The following LYRM4 variants were observed in gnomAD, a reference collection of about 807,000 sequenced individuals.
The protein encoded by LYRM4 is LYR motif-containing protein 4.
In LYRM4, 9 loss-of-function variants were observed where a neutral mutation model predicts 11.7. The ratio of observed to expected loss-of-function variants is 0.77; its 90% CI spans 0.46 to 1.34. LYRM4 has a LOEUF of 1.34. Among genes scored for constraint, LYRM4 ranks in the 40% most tolerant of loss-of-function variants. The pLI is 0.00. For missense variants in LYRM4, 133 were observed against 112.5 expected (o/e 1.18, Z -0.82); for synonymous variants, 42 against 40.4 (o/e 1.04, Z -0.15).
At chr6:5,230,456 C>T (rs918146383) in intron 1 of LYRM4, among the ~76,000 whole-genome samples, 20 of 152,128 alleles carry the variant, frequency 1.3e-4, no homozygotes, top group African/African-American at 4.8e-4. Flanking sequence ...TGAGCTTGAT[C>T]TCATACCAGA....
chr6:5,180,543 A>G (rs1760008421), intron 2 of LYRM4, among the ~76,000 whole-genome samples: 1 of 152,112 alleles, frequency 6.6e-6, no homozygotes, highest in African/African-American at 2.4e-5. Context: ...AACATATTTG[A>G]GCCCTAGACT....
At chr6:5,073,681 T>C in the LYRM4 span, among the ~76,000 whole-genome samples, 3 of 151,622 alleles carry the variant, frequency 2.0e-5, no homozygotes, top group South Asian at 6.2e-4. Context: ...CTTTCCATGA[T>C]CACCATAAAA....
the LYRM4 span, among the ~76,000 whole-genome samples, chr6:5,075,592 A>G: frequency 6.6e-6 from 1 of 152,228 alleles, no homozygotes; most frequent in African/African-American, 2.4e-5. Flanking sequence ...GGACAAGAAG[A>G]CATTATAATG....
At chr6:5,038,887 AGAGAGGGAGAGGGAGAGG>A in the LYRM4 span, among the ~76,000 whole-genome samples, 4 of 85,084 alleles carry the variant, frequency 4.7e-5, 1 homozygote, top group Non-Finnish European at 6.8e-5. Flanking sequence ...GTGGAGGGAG[AGAGAGGGAGAGGGAGAGG>A]GAGAGGGAGA....
At chr6:5,119,794 C>CAAAAAAAAAAAA (rs968606439) in intron 2 of LYRM4, among the ~76,000 whole-genome samples, 4 of 16,874 alleles carry the variant, frequency 2.4e-4, no homozygotes, top group African/African-American at 5.0e-4. Flanking sequence ...GTCTCCATAA[C>CAAAAAAAAAAAA]AAAAAAAAAA....
rs111507483 is a variant in LYRM4, at chr6:5,245,294, T to C, written c.86+15354A>G. On this transcript the variant is annotated intron_variant, in intron 1 of 2. Coordinates refer to ENST00000330636, the MANE Select transcript of LYRM4 (RefSeq NM_020408.6). ...GAGGAAGGAAGGACAAGGAAGTGAG[T>C]GACTGGGTCTGAACATGGCCGCCCC... is the stretch of plus-strand genomic sequence containing the variant. Among the ~76,000 whole-genome samples the C allele has an allele frequency of 7.5e-3, 1,133 of 150,972 alleles. 14 individuals carry two copies. The highest frequency in any genetic ancestry group is 0.025 in the African/African-American group (1,009 of 41,166).
chr6:5,245,110 AAAAATATATATATATATATATATATATAT>A (rs1764106732), intron 1 of LYRM4, among the ~76,000 whole-genome samples: 6 of 36,926 alleles, frequency 1.6e-4, no homozygotes, highest in East Asian at 1.3e-3. Flanking sequence ...AAAAAAAAAA[AAAAATATATATATATATATATATATATAT>A]ATATATATAT....
chr6:5,181,723 C>T (rs1760087508), intron 2 of LYRM4, among the ~76,000 whole-genome samples: 1 of 152,190 alleles, frequency 6.6e-6, no homozygotes, highest in Admixed American at 6.5e-5. Flanking sequence ...CATCCCATTT[C>T]ACAACTCTCT....
chr6:5,040,283 G>A, the LYRM4 span, among the ~76,000 whole-genome samples: 1 of 151,296 alleles, frequency 6.6e-6, no homozygotes, highest in Admixed American at 6.6e-5. Context: ...GTGCACCCCA[G>A]CCTGGGTAAC....
At chr6:5,062,557 G>A in the LYRM4 span, among the ~76,000 whole-genome samples, 1 of 151,918 alleles carries the variant, frequency 6.6e-6, no homozygotes, top group East Asian at 1.9e-4. Flanking sequence ...TTTTAATAAA[G>A]GCCTAAGACA....
At chr6:5,144,266 C>G (rs1350464617) in intron 2 of LYRM4, 18 of 1,536,948 alleles carry the variant, frequency 1.2e-5, no homozygotes, top group Non-Finnish European at 1.6e-5. Flanking sequence ...CAGCTACCTG[C>G]ACTGAGATAC....
chr6:5,066,624 A>C, the LYRM4 span: 4 of 1,210,456 alleles, frequency 3.3e-6, no homozygotes, highest in East Asian at 9.4e-5. Context: ...AAGGGCAACC[A>C]CTTTGGCACC....
At chr6:5,084,318 C>A in the LYRM4 span, among the ~76,000 whole-genome samples, 1 of 152,212 alleles carries the variant, frequency 6.6e-6, no homozygotes, top group African/African-American at 2.4e-5. Context: ...GCCTCAGGTT[C>A]GGGCCTTGGC....
intron 2 of LYRM4, among the ~76,000 whole-genome samples, chr6:5,134,973 G>GCTCCCGGGGCTGTGGAGGGTGCGGTTCA: frequency 7.9e-6 from 1 of 125,822 alleles, no homozygotes; most frequent in African/African-American, 2.9e-5. Flanking sequence ...GGTGCGGATC[G>GCTCCCGGGGCTGTGGAGGGTGCGGTTCA]CTCCCGGGGC....
chr6:5,089,139 A>G, the LYRM4 span: 1 of 152,258 alleles, frequency 6.6e-6, no homozygotes, highest in Non-Finnish European at 1.5e-5. Context: ...GTCAATGGTC[A>G]TATCAATGAA....
chr6:5,086,401 C>T, the LYRM4 span: 1 of 1,536,312 alleles, frequency 6.5e-7, no homozygotes, highest in Non-Finnish European at 8.7e-7. Flanking sequence ...CTCGCTGTGC[C>T]TGCCCCCGGG....
At chr6:5,106,953 G>C (rs1762679958), downstream of LYRM4, 1 of 152,244 alleles carries the variant, frequency 6.6e-6, no homozygotes, top group South Asian at 2.1e-4. Flanking sequence ...AGAAACACCA[G>C]GGGTCACCCC....
intron 2 of LYRM4, among the ~76,000 whole-genome samples, chr6:5,199,630 A>G (rs1339498309): frequency 6.6e-6 from 1 of 152,254 alleles, no homozygotes; most frequent in African/African-American, 2.4e-5. Flanking sequence ...GATTTCCATC[A>G]ACAGGCTGAA....
intron 2 of LYRM4, among the ~76,000 whole-genome samples, chr6:5,142,778 A>G (rs1757475610): frequency 6.6e-6 from 1 of 151,900 alleles, no homozygotes; most frequent in South Asian, 2.1e-4. Flanking sequence ...ACGCTTTGGG[A>G]CTCACAGCCA....
Sources: allele counts gnomAD v4.1 joint callset (sites outside exome capture counted in the v4.1 genomes callset), GRCh38; gene constraint gnomAD v4.1.1; transcripts MANE v1.5; gene names NCBI Gene and HGNC (gene_info 2026-07-23, HGNC 2026-07-21).